The following CLDN2 variants were observed in gnomAD, a reference collection of about 807,000 sequenced individuals.
CLDN2 encodes the protein claudin 2, also known as claudin-2.
Under a neutral mutation model 8.2 loss-of-function variants are expected in CLDN2, and 1 was observed. The ratio of observed to expected loss-of-function variants is 0.12; its 90% CI spans 0.04 to 0.58. CLDN2 has a LOEUF of 0.58. CLDN2 is among the 20% of genes least tolerant of loss of function. The probability of loss-of-function intolerance (pLI) is 0.90; values close to 1 mark genes in which losing one functional copy is unlikely to be tolerated. For synonymous variants in CLDN2, 70 were observed against 70.2 expected (o/e 1.00, Z 0.01); for missense variants, 108 against 172.9 (o/e 0.62, Z 2.11).
upstream of CLDN2, among the ~76,000 whole-genome samples, chrX:106,915,962 A>C (rs1933304841): frequency 9.0e-6 from 1 of 110,639 alleles, no homozygotes. Flanking sequence ...TAGTGATGAA[A>C]ATAACAATTG....
intron 1 of CLDN2, chrX:106,901,045 G>A (rs1933085168): frequency 9.9e-7 from 1 of 1,009,956 alleles, no homozygotes; most frequent in Admixed American, 3.9e-5. Context: ...AAGAAAGAAA[G>A]TTTTGTAACA....
intron 1 of CLDN2, chrX:106,901,378 G>A (rs1602451269): frequency 1.2e-6 from 1 of 843,313 alleles, no homozygotes; most frequent in East Asian, 3.2e-5. Context: ...ATCATAGATA[G>A]CAATTCCTCC....
intron 1 of CLDN2, chrX:106,900,743 G>T: frequency 8.3e-7 from 1 of 1,203,268 alleles, no homozygotes; most frequent in Non-Finnish European, 1.1e-6. Context: ...CCTTTTCATT[G>T]GCCTCCTACT....
intron 1 of CLDN2, among the ~76,000 whole-genome samples, chrX:106,921,602 C>T (rs1170751905): frequency 8.9e-6 from 1 of 111,895 alleles, no homozygotes; most frequent in Admixed American, 9.5e-5. Context: ...TAGGAGGGTA[C>T]TGCCAAAGAA....
upstream of CLDN2, among the ~76,000 whole-genome samples, chrX:106,917,105 G>T (rs139568328): frequency 4.5e-5 from 5 of 112,144 alleles, no homozygotes; most frequent in East Asian, 2.8e-4. Context: ...GTATATAAAG[G>T]TCTGAAGCCC....
chrX:106,900,565 G>T, intron 1 of CLDN2: 1 of 824,972 alleles, frequency 1.2e-6, no homozygotes, highest in Non-Finnish European at 1.6e-6. Flanking sequence ...AGCTCTATCT[G>T]CTGGACTAAT....
chrX:106,925,427 T>C lies in CLDN2; in HGVS notation c.-178-2624T>C, dbSNP rs190311020. On this transcript the variant is annotated intron_variant, in intron 1 of 1. Transcript: ENST00000336803. ...ATAGAATATTCTGTTCTATTTCTAT[T>C]TGGGAGCAAAAGACCACATGGCATG... Among the ~76,000 whole-genome samples, 20 of 112,180 alleles carry C rather than the reference T, an allele frequency of 1.8e-4. 1 individual carries two copies. The East Asian group carries it at 4.5e-3, about 25-fold the overall frequency.
intron 1 of CLDN2, among the ~76,000 whole-genome samples, chrX:106,908,394 C>T (rs1470493613): frequency 9.0e-6 from 1 of 111,034 alleles, no homozygotes; most frequent in South Asian, 3.8e-4. Context: ...GCCTGCTCTC[C>T]GGTCTTCTGC....
At chrX:106,903,932 T>C (rs903960323) in intron 1 of CLDN2, among the ~76,000 whole-genome samples, 1 of 112,234 alleles carries the variant, frequency 8.9e-6, no homozygotes, top group Non-Finnish European at 1.9e-5. Flanking sequence ...CTCAGCCCCT[T>C]ACTGATCAGT....
chrX:106,921,808 G>A (rs1163511029), intron 1 of CLDN2, among the ~76,000 whole-genome samples: 1 of 112,213 alleles, frequency 8.9e-6, no homozygotes, highest in African/African-American at 3.2e-5. Context: ...CTTGGGCCAT[G>A]GAGTATGTTG....
intron 1 of CLDN2, among the ~76,000 whole-genome samples, chrX:106,903,494 C>T (rs1933138683): frequency 9.0e-6 from 1 of 111,722 alleles, no homozygotes; most frequent in Admixed American, 9.5e-5. Flanking sequence ...TGAAATCTCT[C>T]CCAGTTGAAT....
At chrX:106,912,771 A>T (rs1029098270) in intron 1 of CLDN2, among the ~76,000 whole-genome samples, 2 of 110,812 alleles carry the variant, frequency 1.8e-5, no homozygotes, top group African/African-American at 6.6e-5. Flanking sequence ...GTATTTTGTT[A>T]AAAATGGACA....
intron 1 of CLDN2, among the ~76,000 whole-genome samples, chrX:106,909,895 G>A (rs962491454): frequency 2.7e-5 from 3 of 111,208 alleles, no homozygotes; most frequent in African/African-American, 6.5e-5. Context: ...AGAACCTCTC[G>A]CAGCTCCCCA....
chrX:106,920,577 T>G (rs1201969139), intron 1 of CLDN2, 26 bp downstream of exon 1: 1 of 111,145 alleles, frequency 9.0e-6, no homozygotes, highest in Admixed American at 9.6e-5. Context: ...CTGATATAGT[T>G]GCTGCCTTTT....
rs745389241 is a variant in CLDN2 at position 106,901,455 on chromosome X, C to T, written c.-179+951C>T. The T allele has an allele frequency of 3.3e-6, 4 of 1,205,373 alleles. No individual in the cohort carries two copies. In the East Asian group the frequency reaches 1.2e-4, roughly 36 times the overall value. ...TAATGGATCTATGTCAAGTTTGGAG[C>T]TTCATGCCAGAAGCTTACCTGACAG... On this transcript the variant is annotated intron_variant, in intron 1 of 1. Transcript: ENST00000541806.
In CLDN2 at chrX:106,928,107, GGA is replaced by G. The variant is rs1933494403; in HGVS notation, c.-117_-116del. 1 of 515,925 alleles carries G rather than the reference GGA, an allele frequency of 1.9e-6. No homozygotes were observed. Among genetic ancestry groups the G allele is most frequent in the Admixed American group, 3.9e-5 (1 of 25,935 alleles). The allele number at this position is 515,925 out of a possible 1,213,427, so 42.5% of individuals were successfully genotyped here. On this transcript the variant is annotated 5_prime_UTR_variant, in exon 2 of 2. It removes the in-frame stop codon of an upstream open reading frame in the 5' UTR. Transcript: ENST00000336803. ...GGCCACCCACAGACACTTGTAAGGA[GGA>G]GAGAAGTCAGCCTGGCAGAGAGACT...
At chrX:106,914,655 ATAT>A (rs1168077835), upstream of CLDN2, among the ~76,000 whole-genome samples, 1 of 111,630 alleles carries the variant, frequency 9.0e-6, no homozygotes. Context: ...TCATAAATAT[ATAT>A]TATTTATGTT....
chrX:106,906,775 T>G (rs922879111), intron 1 of CLDN2, among the ~76,000 whole-genome samples: 1 of 111,502 alleles, frequency 9.0e-6, no homozygotes, highest in African/African-American at 3.3e-5. Context: ...GTTATGCTTC[T>G]TGTCTTCGGG....
At chrX:106,906,557 A>C (rs1933181358) in intron 1 of CLDN2, among the ~76,000 whole-genome samples, 1 of 110,316 alleles carries the variant, frequency 9.1e-6, no homozygotes, top group Non-Finnish European at 1.9e-5. Flanking sequence ...CTCTCCTTCT[A>C]CTTCCCTGAG....
Sources: allele counts gnomAD v4.1 joint callset (sites outside exome capture counted in the v4.1 genomes callset), GRCh38; gene constraint gnomAD v4.1.1; transcripts MANE v1.5; gene names NCBI Gene and HGNC (gene_info 2026-07-23, HGNC 2026-07-21).